Variants in PTPN21 observed in about 807,000 individuals in gnomAD.
PTPN21 encodes protein tyrosine phosphatase non-receptor type 21.
Under a neutral mutation model 131.8 loss-of-function variants are expected in PTPN21, and 77 were observed. The observed-to-expected ratio is 0.58, with a 90% confidence interval of 0.49 to 0.71. The LOEUF (loss-of-function observed/expected upper bound fraction) is 0.71. Ranked by LOEUF, PTPN21 falls within the 30% of genes least tolerant of loss-of-function variation. The pLI is 0.00. For missense variants in PTPN21, 1,552 were observed against 1,527.1 expected, an observed-to-expected ratio of 1.02 and a Z score of -0.27; for synonymous variants, 715 against 621.3, an observed-to-expected ratio of 1.15 and a Z score of -2.24.
chr14:88,535,559 G>A (rs1004089334), intron 2 of PTPN21, among the ~76,000 whole-genome samples: 1 of 152,154 alleles, frequency 6.6e-6, no homozygotes, highest in Admixed American at 6.6e-5. Context: ...GAAGAACTTT[G>A]TAAGTTCTAA....
chr14:88,537,565 G>A (rs559579951), intron 2 of PTPN21, among the ~76,000 whole-genome samples: 24 of 152,184 alleles, frequency 1.6e-4, no homozygotes, highest in African/African-American at 5.5e-4. Context: ...CTGCCCTCAC[G>A]TAACTTAATT....
intron 2 of PTPN21, among the ~76,000 whole-genome samples, chr14:88,525,675 A>G (rs1046921556): frequency 3.9e-5 from 6 of 152,238 alleles, no homozygotes; most frequent in Non-Finnish European, 8.8e-5. Context: ...GAATCACCAT[A>G]TGATCCAGCA....
chr14:88,492,911 C>T, intron 10 of PTPN21: 3 of 351,916 alleles, frequency 8.5e-6, no homozygotes, highest in Non-Finnish European at 1.7e-5. Context: ...AAGAGGAGAC[C>T]CTGCCCTCAT....
chr14:88,473,245 T>C (rs780486872), intron 14 of PTPN21, among the ~76,000 whole-genome samples: 40 of 152,270 alleles, frequency 2.6e-4, no homozygotes, highest in Non-Finnish European at 4.0e-4. Context: ...TAAAACCTCA[T>C]AGAAAATACA....
intron 12 of PTPN21, among the ~76,000 whole-genome samples, chr14:88,484,216 T>G (rs879401684): frequency 0.28 from 33,715 of 119,780 alleles, 3,919 homozygotes; most frequent in South Asian, 0.32. Context: ...CCCAGCTATT[T>G]TTTTTTTTTT....
intron 2 of PTPN21, among the ~76,000 whole-genome samples, chr14:88,527,032 C>T (rs560592265): frequency 6.6e-6 from 1 of 152,246 alleles, no homozygotes; most frequent in East Asian, 1.9e-4. Flanking sequence ...GTGTGTGTCA[C>T]ATTTTCCCTT....
chr14:88,494,627 T>C (rs907915623), intron 10 of PTPN21, among the ~76,000 whole-genome samples: 1 of 151,984 alleles, frequency 6.6e-6, no homozygotes, highest in Admixed American at 6.6e-5. Flanking sequence ...ATCATGCCAC[T>C]GTACTCAGCC....
chr14:88,504,285 G>T (rs2078056039), intron 6 of PTPN21, 140 bp downstream of exon 6: 3 of 667,616 alleles, frequency 4.5e-6, no homozygotes, highest in African/African-American at 3.6e-5. Context: ...TTGGCTACTT[G>T]TAATAGTAGT....
At chr14:88,545,979 G>A (rs142844505) in intron 2 of PTPN21, among the ~76,000 whole-genome samples, 2,479 of 143,704 alleles carry the variant, frequency 0.017, 63 homozygotes, top group African/African-American at 0.059. Flanking sequence ...GCGATAGAGC[G>A]AGACTCTGTC....
intron 2 of PTPN21, among the ~76,000 whole-genome samples, chr14:88,523,716 GAC>G (rs71126989): frequency 0.088 from 12,644 of 144,368 alleles, 870 homozygotes; most frequent in East Asian, 0.22. Flanking sequence ...CCCCAACCGT[GAC>G]ACACACACAC....
rs1264789976 is a variant in PTPN21, at chr14:88,554,760, G to C, written c.-312C>G. 2 of 149,946 alleles carry C rather than the reference G, an allele frequency of 1.3e-5. No homozygotes were observed. The highest frequency in any genetic ancestry group is 4.9e-5 in the African/African-American group (2 of 41,160). 9.3% of individuals were successfully genotyped at this position (149,946 alleles called of 1,614,324 possible). Reference sequence around the variant, plus strand: ...GCAGCCGCACCCGCACGCCAGCCCGGGCCGCGGCGCGCTCATGGGGCTCGC... The same window carrying C: ...GCAGCCGCACCCGCACGCCAGCCCGCGCCGCGGCGCGCTCATGGGGCTCGC... On this transcript the variant is annotated 5_prime_UTR_variant, in exon 1 of 19. Transcript: ENST00000556564.
chr14:88,488,433 G>A (rs920009263), intron 10 of PTPN21, among the ~76,000 whole-genome samples: 6 of 152,246 alleles, frequency 3.9e-5, no homozygotes, highest in Middle Eastern at 3.4e-3. Context: ...AGGCAGCCAC[G>A]CCATCAGTTC....
At chr14:88,527,239 T>C (rs926660827) in intron 2 of PTPN21, among the ~76,000 whole-genome samples, 3 of 152,232 alleles carry the variant, frequency 2.0e-5, no homozygotes, top group Non-Finnish European at 4.4e-5. Flanking sequence ...CACATTGTTT[T>C]CCATAGTGGT....
intron 13 of PTPN21, among the ~76,000 whole-genome samples, chr14:88,477,000 G>A (rs2077556054): frequency 6.6e-6 from 1 of 152,138 alleles, no homozygotes; most frequent in Non-Finnish European, 1.5e-5. Context: ...AGCATTTGGG[G>A]AAAGTACGTG....
intron 10 of PTPN21, among the ~76,000 whole-genome samples, chr14:88,486,977 CAAAAAAAAAA>C (rs1198956976): frequency 1.8e-5 from 1 of 54,622 alleles, no homozygotes; most frequent in African/African-American, 5.8e-5. Flanking sequence ...ATTCTAGCCT[CAAAAAAAAAA>C]AAAAAAAAAA....
rs749631127 is a variant in PTPN21, at chr14:88,479,972, CG to C, written c.1458del (p.Ala487ArgfsTer28). The C allele has an allele frequency of 3.7e-6, 6 of 1,609,852 alleles. No homozygotes were observed. The East Asian group carries it at 1.3e-4, about 36-fold the overall frequency. The part of the protein sequence containing the change: ...NIGSSYAYSR[P>X]AALVYSQPEI... ...TCGGGCTGGCTGTAGACCAGCGCCGCGGGCCTGCTGTAGGCGTACGAGCTGC... is the reference window on the plus strand; with the variant it reads ...TCGGGCTGGCTGTAGACCAGCGCCGCGGCCTGCTGTAGGCGTACGAGCTGC... On this transcript the variant is annotated frameshift_variant, in exon 13 of 19. Transcript: ENST00000556564. LOFTEE classifies it high-confidence loss of function.
In PTPN21 at chr14:88,473,766, C is replaced by G. The variant is rs1213293841; in HGVS notation, c.2548G>C (p.Gly850Arg). The G allele has an allele frequency of 3.1e-6, 5 of 1,609,202 alleles. No individual in the cohort carries two copies. The highest frequency in any genetic ancestry group is 2.2e-5 in the East Asian group (1 of 44,738). Residue 850 changes from glycine to arginine, a missense_variant, in exon 14 of 19, where the codon GGT becomes CGT. Gly to Arg is a moderately radical substitution (Grantham distance 125). This residue lies in a region of PTPN21 where 1,016 missense variants were observed against 883.5 expected (regional missense o/e 1.15). Coordinates refer to ENST00000556564, the MANE Select transcript of PTPN21 (RefSeq NM_007039.4). ...TTTAGGGCAGCCAGTTTAAGAGGAC[C>G]AATTTTTTTTGCATCTACTCGAGTC... ...KKTRVDAKKIGPLKLAALNGL... is the reference protein window; with the variant it reads ...KKTRVDAKKIRPLKLAALNGL...
chr14:88,518,040 C>A (rs2078307902), intron 2 of PTPN21, among the ~76,000 whole-genome samples: 1 of 146,150 alleles, frequency 6.8e-6, no homozygotes, highest in South Asian at 2.1e-4. Context: ...GTGTCTAGGT[C>A]GTGAATGTAT....
At chr14:88,486,787 C>T (rs539599747) in intron 10 of PTPN21, among the ~76,000 whole-genome samples, 32 of 152,064 alleles carry the variant, frequency 2.1e-4, no homozygotes, top group Admixed American at 1.7e-3. Context: ...GACCACCTGG[C>T]CAACATGGTG....
Sources: gnomAD v4.1 joint callset for allele counts (sites outside exome capture counted in the v4.1 genomes callset) on GRCh38, gnomAD v4.1.1 for gene constraint, gnomAD v4.1.1 regional missense constraint, MANE v1.5 for transcripts, NCBI Gene and HGNC (gene_info 2026-07-23, HGNC 2026-07-21) for gene names.